TAMM41: variants seen among roughly 807,000 people sequenced by gnomAD.
TAMM41 encodes the protein phosphatidate cytidylyltransferase, mitochondrial.
TAMM41 carries 36 observed loss-of-function variants against 44.1 expected under a neutral mutation model. The observed-to-expected ratio is 0.82, with a 90% CI of 0.63 to 1.08. The LOEUF (loss-of-function observed/expected upper bound fraction) is 1.08. Among genes scored for constraint, TAMM41 ranks in the 50% least tolerant of loss-of-function variants. The pLI is 0.00. For synonymous variants in TAMM41, 164 were observed against 153.1 expected, an observed-to-expected ratio of 1.07 and a Z score of -0.53; for missense variants, 417 against 404.3, an observed-to-expected ratio of 1.03 and a Z score of -0.27.
At chr3:11,807,168 A>G in intron 7 of TAMM41, 1 of 1,341,710 alleles carries the variant, frequency 7.5e-7, no homozygotes, top group Non-Finnish European at 9.5e-7. Flanking sequence ...GGGACAGCGA[A>G]GACACTCTCC....
the TAMM41 span, among the ~76,000 whole-genome samples, chr3:11,771,792 AGGC>A: frequency 6.6e-6 from 1 of 152,038 alleles, no homozygotes; most frequent in East Asian, 1.9e-4. Flanking sequence ...CATGTTTGCC[AGGC>A]TGGTATCAAA....
the TAMM41 span, among the ~76,000 whole-genome samples, chr3:11,772,880 A>T: frequency 6.6e-6 from 1 of 152,182 alleles, no homozygotes; most frequent in Admixed American, 6.5e-5. Flanking sequence ...CATCTTAAAG[A>T]ACAGGAGGCA....
chr3:11,787,513 CTATAT>C (rs1305711655), downstream of TAMM41, among the ~76,000 whole-genome samples: 1 of 152,098 alleles, frequency 6.6e-6, no homozygotes, highest in Non-Finnish European at 1.5e-5. Context: ...AACAAATTCC[CTATAT>C]TAAATTCCTT....
At chr3:11,751,906 C>T in the TAMM41 span, among the ~76,000 whole-genome samples, 2 of 152,160 alleles carry the variant, frequency 1.3e-5, no homozygotes, top group Non-Finnish European at 2.9e-5. Context: ...TGTTTGCTTA[C>T]AGAGAGTCCT....
At chr3:11,833,393 T>C (rs1320280530) in intron 3 of TAMM41, among the ~76,000 whole-genome samples, 1 of 152,210 alleles carries the variant, frequency 6.6e-6, no homozygotes, top group Non-Finnish European at 1.5e-5. Context: ...GAGAGACTAC[T>C]TGAATTGCAG....
intron 7 of TAMM41, among the ~76,000 whole-genome samples, chr3:11,803,303 G>A (rs1559273989): frequency 1.3e-5 from 2 of 152,156 alleles, no homozygotes; most frequent in Admixed American, 6.5e-5. Context: ...AGAATCGCTT[G>A]AAACCAGGAG....
intron 4 of TAMM41, among the ~76,000 whole-genome samples, chr3:11,827,658 AG>A: frequency 6.8e-6 from 1 of 147,684 alleles, no homozygotes; most frequent in East Asian, 2.0e-4. Context: ...AAAAAAAAGG[AG>A]GGGGGTGGAG....
At chr3:11,746,367 T>C in the TAMM41 span, among the ~76,000 whole-genome samples, 1 of 151,834 alleles carries the variant, frequency 6.6e-6, no homozygotes, top group African/African-American at 2.4e-5. Context: ...TACAGTGAGC[T>C]GTTTACCCAA....
the TAMM41 span, among the ~76,000 whole-genome samples, chr3:11,751,355 G>C: frequency 6.6e-6 from 1 of 152,116 alleles, no homozygotes; most frequent in Non-Finnish European, 1.5e-5. Flanking sequence ...GCCCCCCAAA[G>C]AGCTGGGATT....
chr3:11,844,226 A>C lies in TAMM41; in HGVS notation c.136-15T>G. 1.2e-6 allele frequency: 2 copies of C among 1,609,138 alleles called. No individual in the cohort carries two copies. The highest frequency in any genetic ancestry group is 1.7e-6 in the Non-Finnish European group (2 of 1,177,556). ...AGCATAGCATTCTGTGGAGTGAAGAAAAGAGAATAATTTCAGTATTAATTC... is the reference window on the plus strand; with the variant it reads ...AGCATAGCATTCTGTGGAGTGAAGACAAGAGAATAATTTCAGTATTAATTC... On this transcript the variant is annotated splice_polypyrimidine_tract_variant and intron_variant, in intron 1 of 7. Transcript: ENST00000455809.
At chr3:11,722,679 A>C in the TAMM41 span, among the ~76,000 whole-genome samples, 1 of 151,272 alleles carries the variant, frequency 6.6e-6, no homozygotes, top group Non-Finnish European at 1.5e-5. Flanking sequence ...TAAAAATACA[A>C]AAAAAAAATG....
the TAMM41 span, among the ~76,000 whole-genome samples, chr3:11,740,097 A>C: frequency 1.3e-5 from 2 of 151,772 alleles, 1 homozygote; most frequent in South Asian, 4.2e-4. Flanking sequence ...CAAAACAAAA[A>C]AAACACCCCA....
At chr3:11,775,316 C>T in the TAMM41 span, among the ~76,000 whole-genome samples, 1 of 152,152 alleles carries the variant, frequency 6.6e-6, no homozygotes, top group Non-Finnish European at 1.5e-5. Flanking sequence ...CCCACGTTTG[C>T]CAGGCTTTGG....
intron 3 of TAMM41, among the ~76,000 whole-genome samples, chr3:11,836,519 A>C (rs748913478): frequency 5.3e-5 from 8 of 152,116 alleles, no homozygotes; most frequent in Non-Finnish European, 1.0e-4. Flanking sequence ...GCTGGAGTGC[A>C]GTAGCGCAAT....
chr3:11,778,971 C>T, the TAMM41 span, among the ~76,000 whole-genome samples: 1 of 152,082 alleles, frequency 6.6e-6, no homozygotes, highest in Non-Finnish European at 1.5e-5. Context: ...CTGTCCCCTC[C>T]AAAGCTAATA....
chr3:11,846,432 G>C, intron 1 of TAMM41, 70 bp downstream of exon 1: 1 of 1,583,458 alleles, frequency 6.3e-7, no homozygotes, highest in Non-Finnish European at 8.6e-7. Context: ...CTCCGACTCT[G>C]AAGGAATCGA....
At chr3:11,747,260 G>A in the TAMM41 span, among the ~76,000 whole-genome samples, 3 of 151,714 alleles carry the variant, frequency 2.0e-5, no homozygotes, top group African/African-American at 4.8e-5. Flanking sequence ...ACGGGGTTTC[G>A]CCATGTTGGC....
At chr3:11,728,840 C>T in the TAMM41 span, among the ~76,000 whole-genome samples, 4 of 151,970 alleles carry the variant, frequency 2.6e-5, no homozygotes, top group African/African-American at 7.3e-5. Context: ...GAAACCCCGT[C>T]GCCACTAAAA....
the TAMM41 span, among the ~76,000 whole-genome samples, chr3:11,779,087 T>A: frequency 6.6e-6 from 1 of 152,016 alleles, no homozygotes; most frequent in Non-Finnish European, 1.5e-5. Context: ...AGTGGTGAGT[T>A]CTCACTCTGT....
Sources: allele counts gnomAD v4.1 joint callset (sites outside exome capture counted in the v4.1 genomes callset), GRCh38; gene constraint gnomAD v4.1.1; transcripts MANE v1.5; gene names NCBI Gene and HGNC (gene_info 2026-07-23, HGNC 2026-07-21).